The following CATSPERT variants were observed in gnomAD, a reference collection of about 807,000 sequenced individuals.
The protein encoded by CATSPERT is catsper channel auxiliary subunit tau.
chr2:201,513,244 A>G, the CATSPERT span, among the ~76,000 whole-genome samples: 1 of 152,172 alleles, frequency 6.6e-6, no homozygotes, highest in Admixed American at 6.5e-5. Context: ...TGAACAAACA[A>G]AAAACAATCT....
the CATSPERT span, among the ~76,000 whole-genome samples, chr2:201,514,927 A>G: frequency 1.1e-4 from 16 of 152,256 alleles, no homozygotes; most frequent in South Asian, 2.7e-3. Context: ...AGAAAAATGT[A>G]TTGCCTAAAT....
the CATSPERT span, among the ~76,000 whole-genome samples, chr2:201,581,583 T>C: frequency 0.12 from 7,654 of 64,760 alleles, 1,641 homozygotes; most frequent in East Asian, 0.47. Flanking sequence ...TATATATATA[T>C]ATATATATAT....
chr2:201,513,885 A>G, the CATSPERT span, among the ~76,000 whole-genome samples: 1,302 of 152,320 alleles, frequency 8.5e-3, 27 homozygotes, highest in African/African-American at 0.03. Context: ...AAGTAGAATT[A>G]AATTACAGTC....
chr2:201,532,916 T>A, the CATSPERT span, among the ~76,000 whole-genome samples: 1 of 152,176 alleles, frequency 6.6e-6, no homozygotes, highest in Non-Finnish European at 1.5e-5. Flanking sequence ...GGCTGTAAGA[T>A]CTGTTAAGGC....
chr2:201,578,933 C>T, the CATSPERT span, among the ~76,000 whole-genome samples: 1 of 152,102 alleles, frequency 6.6e-6, no homozygotes, highest in African/African-American at 2.4e-5. Flanking sequence ...TTATTCATTA[C>T]TCCATATGTT....
At chr2:201,529,184 T>C in the CATSPERT span, among the ~76,000 whole-genome samples, 1 of 152,196 alleles carries the variant, frequency 6.6e-6, no homozygotes, top group Non-Finnish European at 1.5e-5. Flanking sequence ...CAATGCAGTC[T>C]ACAGATTCAA....
At chr2:201,492,899 A>T in the CATSPERT span, 1 of 1,536,640 alleles carries the variant, frequency 6.5e-7, no homozygotes. Flanking sequence ...TCAGATTTTA[A>T]ATGTTTTACT....
At chr2:201,573,030 C>T in the CATSPERT span, among the ~76,000 whole-genome samples, 187 of 152,232 alleles carry the variant, frequency 1.2e-3, no homozygotes, top group African/African-American at 4.1e-3. Flanking sequence ...TATATAACAG[C>T]AGCACTAAGA....
At chr2:201,489,500 G>A in the CATSPERT span, among the ~76,000 whole-genome samples, 1 of 151,964 alleles carries the variant, frequency 6.6e-6, no homozygotes, top group African/African-American at 2.4e-5. Context: ...TTTATACCCT[G>A]TCACTATATA....
the CATSPERT span, among the ~76,000 whole-genome samples, chr2:201,597,070 G>C: frequency 1.3e-5 from 2 of 152,138 alleles, no homozygotes; most frequent in Admixed American, 6.5e-5. Flanking sequence ...TCTAAAAAGT[G>C]TTCAGTTCTT....
At chr2:201,530,136 C>T in the CATSPERT span, among the ~76,000 whole-genome samples, 1 of 152,122 alleles carries the variant, frequency 6.6e-6, no homozygotes, top group Non-Finnish European at 1.5e-5. Context: ...AAAGGGAACC[C>T]TTGTACACTA....
chr2:201,516,790 G>C, the CATSPERT span, among the ~76,000 whole-genome samples: 4 of 151,988 alleles, frequency 2.6e-5, no homozygotes, highest in Non-Finnish European at 4.4e-5. Context: ...ACCTGCGTAT[G>C]GGGGTGGGCG....
the CATSPERT span, chr2:201,601,797 T>C: frequency 1.2e-6 from 2 of 1,612,552 alleles, no homozygotes; most frequent in Non-Finnish European, 1.7e-6. Context: ...CTCATCGTTT[T>C]TGGATAGCAA....
chr2:201,550,157 T>C, the CATSPERT span: 3 of 152,186 alleles, frequency 2.0e-5, no homozygotes, highest in African/African-American at 7.2e-5. Flanking sequence ...AATTCCAGGA[T>C]GTTTAAATCA....
the CATSPERT span, among the ~76,000 whole-genome samples, chr2:201,573,947 A>C: frequency 6.6e-6 from 1 of 152,198 alleles, no homozygotes; most frequent in Non-Finnish European, 1.5e-5. Context: ...GTGAGCCACT[A>C]CACCTAGCCT....
the CATSPERT span, among the ~76,000 whole-genome samples, chr2:201,587,042 A>G: frequency 6.6e-6 from 1 of 151,750 alleles, no homozygotes. Flanking sequence ...TGGTTGCTGT[A>G]GGGATTATAA....
the CATSPERT span, among the ~76,000 whole-genome samples, chr2:201,587,242 T>C: frequency 1.3e-5 from 2 of 152,154 alleles, no homozygotes; most frequent in African/African-American, 4.8e-5. Context: ...AATTGTCTTT[T>C]GGATAAATTT....
chr2:201,560,249 G>A, the CATSPERT span, among the ~76,000 whole-genome samples: 62 of 151,944 alleles, frequency 4.1e-4, no homozygotes, highest in Admixed American at 2.1e-3. Context: ...CCAATAAGGC[G>A]AAACCCTGTC....
the CATSPERT span, chr2:201,496,042 T>C: frequency 9.9e-7 from 1 of 1,010,930 alleles, no homozygotes; most frequent in South Asian, 1.6e-5. Flanking sequence ...ATTCTTGCAA[T>C]AGTTATTAGA....
Sources: allele counts gnomAD v4.1 joint callset (sites outside exome capture counted in the v4.1 genomes callset), GRCh38; gene constraint gnomAD v4.1.1; transcripts MANE v1.5; gene names NCBI Gene and HGNC (gene_info 2026-07-23, HGNC 2026-07-21).